The following ELP4 variants were observed in gnomAD, a reference collection of about 807,000 sequenced individuals.
The protein encoded by ELP4 is elongator acetyltransferase complex subunit 4, also known as elongator complex protein 4.
A neutral mutation model predicts 48.9 loss-of-function variants in ELP4; 51 were observed. The ratio of observed to expected loss-of-function variants is 1.04; its 90% CI spans 0.83 to 1.32. ELP4 has a LOEUF of 1.32. Among genes scored for constraint, ELP4 ranks in the 40% most tolerant of loss-of-function variants. The pLI is 0.00. For synonymous variants in ELP4, 210 were observed against 189.2 expected (o/e 1.11, Z -0.90); for missense variants, 519 against 514.6 (o/e 1.01, Z -0.08).
In ELP4 at chr11:31,650,191, T is replaced by A; in HGVS notation, c.1113T>A (p.Phe371Leu). The change falls in exon 9 of 10, where the codon TTT becomes TTA. Residue 371 changes from phenylalanine to leucine, a missense_variant. Coordinates refer to ENST00000640961, the MANE Select transcript of ELP4 (RefSeq NM_019040.5). ...AATCAGATGTCAAAGACTTAGCTTT[T>A]AAATTAAAAAGGAAGCTATTCACCA... ...CDESDVKDLA[F>L]KLKRKLFTIE... 1 of 1,482,984 alleles carries A rather than the reference T, an allele frequency of 6.7e-7. No homozygotes were observed. Among genetic ancestry groups the A allele is most frequent in the Non-Finnish European group, 9.3e-7 (1 of 1,072,454 alleles). 91.9% of individuals were successfully genotyped at this position (1,482,984 alleles called of 1,614,324 possible).
chr11:31,645,623 A>T (rs1454879616), intron 7 of ELP4: 1 of 151,806 alleles, frequency 6.6e-6, no homozygotes, highest in Non-Finnish European at 1.5e-5. Flanking sequence ...ATATTTAGAT[A>T]AAAAGGCTTA....
chr11:31,579,536 A>G (rs1957348723), intron 3 of ELP4, among the ~76,000 whole-genome samples: 1 of 152,208 alleles, frequency 6.6e-6, no homozygotes, highest in Non-Finnish European at 1.5e-5. Flanking sequence ...GAACCAACCC[A>G]GATGTCCACC....
intron 9 of ELP4, among the ~76,000 whole-genome samples, chr11:31,684,320 C>G (rs901501767): frequency 2.6e-5 from 4 of 152,138 alleles, no homozygotes; most frequent in Non-Finnish European, 5.9e-5. Context: ...GATTCTCCTG[C>G]CTCAGCCTCC....
At chr11:31,707,789 A>G (rs1402328941) in intron 9 of ELP4, among the ~76,000 whole-genome samples, 7 of 152,096 alleles carry the variant, frequency 4.6e-5, no homozygotes, top group African/African-American at 1.7e-4. Context: ...CAGTTCTGTA[A>G]ACTACCAGCA....
intron 3 of ELP4, among the ~76,000 whole-genome samples, chr11:31,568,373 T>G (rs750792240): frequency 6.6e-6 from 1 of 152,196 alleles, no homozygotes; most frequent in Non-Finnish European, 1.5e-5. Flanking sequence ...CATAGCAATT[T>G]AAGGATTCAA....
intron 5 of ELP4, among the ~76,000 whole-genome samples, chr11:31,612,479 G>A (rs1261358364): frequency 1.3e-5 from 2 of 152,080 alleles, no homozygotes; most frequent in Non-Finnish European, 2.9e-5. Flanking sequence ...AGATTCCTGG[G>A]TTGAAATTTT....
chr11:31,706,365 C>T (rs1946631938), intron 9 of ELP4, among the ~76,000 whole-genome samples: 1 of 151,656 alleles, frequency 6.6e-6, no homozygotes, highest in Admixed American at 6.6e-5. Flanking sequence ...CATGGTGGCT[C>T]ATGCCTATAA....
chr11:31,640,028 G>C (rs563205407), intron 7 of ELP4, among the ~76,000 whole-genome samples: 1 of 151,990 alleles, frequency 6.6e-6, no homozygotes, highest in East Asian at 1.9e-4. Flanking sequence ...GGAATCTTTG[G>C]CTGCTGGACT....
intron 1 of ELP4, chr11:31,511,054 A>G (rs536299239): frequency 1.4e-4 from 22 of 152,332 alleles, no homozygotes; most frequent in African/African-American, 4.8e-4. Flanking sequence ...GGTTTAGTGC[A>G]GAGAAAGTAA....
intron 6 of ELP4, among the ~76,000 whole-genome samples, 165 bp from the exon 7 acceptor site, chr11:31,632,050 AAC>A (rs1209631144): frequency 4.6e-5 from 7 of 152,080 alleles, no homozygotes; most frequent in African/African-American, 1.4e-4. Context: ...TTGTAATCTA[AAC>A]AGTTTCATTT....
chr11:31,510,560 TAA>T (rs1411751475), intron 1 of ELP4: 1 of 397,442 alleles, frequency 2.5e-6, no homozygotes, highest in Non-Finnish European at 4.4e-6. Context: ...ATAATCCTTA[TAA>T]AGTATTTTGA....
intron 5 of ELP4, among the ~76,000 whole-genome samples, chr11:31,616,380 A>G (rs907747721): frequency 6.6e-6 from 1 of 152,050 alleles, no homozygotes; most frequent in Admixed American, 6.6e-5. Context: ...AAAAAATAAA[A>G]ATAAAAATGA....
chr11:31,614,000 C>T (rs1305411202), intron 5 of ELP4, among the ~76,000 whole-genome samples: 1 of 151,962 alleles, frequency 6.6e-6, no homozygotes, highest in Non-Finnish European at 1.5e-5. Context: ...CATGAGCCAC[C>T]GTGCCTGGCC....
At chr11:31,515,927 G>A (rs950644881) in intron 1 of ELP4, among the ~76,000 whole-genome samples, 5 of 152,138 alleles carry the variant, frequency 3.3e-5, no homozygotes, top group Non-Finnish European at 5.9e-5. Context: ...TGGCTAACAC[G>A]GTGAAACCCC....
chr11:31,686,786 T>G (rs1013250952), intron 9 of ELP4, among the ~76,000 whole-genome samples: 5 of 151,802 alleles, frequency 3.3e-5, no homozygotes, highest in African/African-American at 1.2e-4. Flanking sequence ...GGAGGATCAA[T>G]TGAGCTGGGG....
chr11:31,687,654 G>A (rs888745390), intron 9 of ELP4: 8 of 152,140 alleles, frequency 5.3e-5, no homozygotes, highest in African/African-American at 1.7e-4. Context: ...TCGACTCTCT[G>A]TTCCAGATTC....
chr11:31,527,636 TTCA>T (rs561706930), intron 2 of ELP4, among the ~76,000 whole-genome samples: 429 of 152,218 alleles, frequency 2.8e-3, no homozygotes, highest in Non-Finnish European at 4.9e-3. Context: ...TTGTCTGTTC[TTCA>T]TCTTTGCTGC....
intron 9 of ELP4, among the ~76,000 whole-genome samples, chr11:31,676,023 CTG>C (rs1473674788): frequency 2.0e-5 from 3 of 152,060 alleles, no homozygotes; most frequent in African/African-American, 4.8e-5. Flanking sequence ...TGCTCAAACT[CTG>C]TGTTGATTCT....
chr11:31,617,542 C>G (rs1944515907), intron 5 of ELP4, among the ~76,000 whole-genome samples: 1 of 151,670 alleles, frequency 6.6e-6, no homozygotes, highest in Non-Finnish European at 1.5e-5. Context: ...CATATATACT[C>G]AAAAGTGGTT....
Sources: allele counts gnomAD v4.1 joint callset (sites outside exome capture counted in the v4.1 genomes callset), GRCh38; gene constraint gnomAD v4.1.1; transcripts MANE v1.5; gene names NCBI Gene and HGNC (gene_info 2026-07-23, HGNC 2026-07-21).